Variants in DENND6B observed in about 807,000 individuals in gnomAD.
DENND6B encodes the protein protein DENND6B.
A neutral mutation model predicts 85.1 loss-of-function variants in DENND6B; 73 were observed. The ratio of observed to expected loss-of-function variants is 0.86; its 90% CI spans 0.71 to 1.04. DENND6B has a LOEUF of 1.04. Ranked by LOEUF, DENND6B falls within the 50% of genes least tolerant of loss-of-function variation. DENND6B has a pLI of 0.00. For synonymous variants in DENND6B, 357 were observed against 329.3 expected, an observed-to-expected ratio of 1.08 and a Z score of -0.91; for missense variants, 715 against 785.8, an observed-to-expected ratio of 0.91 and a Z score of 1.08.
intron 1 of DENND6B, among the ~76,000 whole-genome samples, chr22:50,321,304 G>C (rs1414597868): frequency 6.6e-6 from 1 of 152,180 alleles, no homozygotes; most frequent in Non-Finnish European, 1.5e-5. Context: ...GTCCTAGAGG[G>C]CTGAATGCAG....
Position 50,312,326 on chromosome 22 carries a change from G to C in DENND6B, c.1635+17C>G. 1.9e-6 allele frequency: 3 copies of C among 1,611,312 alleles called. No individual in the cohort carries two copies. Among genetic ancestry groups the C allele is most frequent in the Non-Finnish European group, 2.5e-6 (3 of 1,179,252 alleles). On this transcript the variant is annotated intron_variant, in intron 19 of 19. Transcript: ENST00000413817. ...GCCAGGCTGGTGGCGCTGGGACAAG[G>C]CTGGGAGGCATCTTACCAGCTTCTC... is the stretch of plus-strand genomic sequence containing the variant.
intron 1 of DENND6B, among the ~76,000 whole-genome samples, chr22:50,325,246 C>T (rs752391853): frequency 3.9e-5 from 6 of 152,164 alleles, no homozygotes; most frequent in Admixed American, 6.6e-5. Context: ...GGAGTCCAAG[C>T]ACACACAGCC....
At chr22:50,321,164 G>C (rs2042030441) in intron 1 of DENND6B, among the ~76,000 whole-genome samples, 1 of 152,106 alleles carries the variant, frequency 6.6e-6, no homozygotes, top group South Asian at 2.1e-4. Context: ...CACATGCAGG[G>C]AGCGGTTCCC....
chr22:50,315,928 G>C, intron 8 of DENND6B, 97 bp downstream of exon 8: 1 of 1,588,350 alleles, frequency 6.3e-7, no homozygotes. Flanking sequence ...CCCGCAGGGT[G>C]AACCAAGGAA....
intron 1 of DENND6B, among the ~76,000 whole-genome samples, chr22:50,322,164 T>G (rs1720739013): frequency 6.7e-6 from 1 of 150,180 alleles, no homozygotes; most frequent in African/African-American, 2.5e-5. Context: ...AAGCTCCGCC[T>G]CCCGGGTTCA....
chr22:50,318,379 G>C (rs2041924640), intron 3 of DENND6B, among the ~76,000 whole-genome samples: 1 of 152,170 alleles, frequency 6.6e-6, no homozygotes, highest in South Asian at 2.1e-4. Flanking sequence ...CCAGCCCAAG[G>C]GGTCTGTGTT....
chr22:50,314,070 A>G, intron 13 of DENND6B, 137 bp downstream of exon 13: 1 of 1,304,004 alleles, frequency 7.7e-7, no homozygotes, highest in Non-Finnish European at 1.0e-6. Context: ...CCCCTCCCCA[A>G]GGGTTCTGAG....
Position 50,313,872 on chromosome 22 carries a change from T to G in DENND6B, c.1145A>C (p.Tyr382Ser). 6.2e-7 allele frequency: 1 copy of G among 1,610,114 alleles called. No individual in the cohort carries two copies. Among genetic ancestry groups the G allele is most frequent in the Non-Finnish European group, 8.5e-7 (1 of 1,179,284 alleles). The part of the protein sequence containing the change: ...LKTLDTKPGL[Y>S]TAYTAHLHRD... ...GTGGAGGTGGGCCGTGTAAGCGGTG[T>G]AGAGGCCTGGCGGGAGGGCACAGCT... Residue 382 changes from tyrosine to serine, a missense_variant, in exon 14 of 20, where the codon TAC (tyrosine) becomes TCC (serine). Transcript: ENST00000413817.
intron 1 of DENND6B, among the ~76,000 whole-genome samples, chr22:50,324,418 A>G (rs1051775593): frequency 1.3e-5 from 2 of 152,110 alleles, no homozygotes; most frequent in South Asian, 2.1e-4. Flanking sequence ...TAGCTGCTCA[A>G]TGTGATCTAC....
rs1417043880 is a variant in DENND6B, at chr22:50,312,600, C to A, written c.1483G>T (p.Asp495Tyr). The change falls in exon 18 of 20, where the codon GAT becomes TAT. Residue 495 changes from aspartate to tyrosine, a missense_variant. Transcript: ENST00000413817. The part of the protein sequence containing the change: ...YRRFFKSPHF[D>Y]GWYRQRHKEM... ...TTGTGCCGCTGCCGGTACCAGCCAT[C>A]AAAATGGGGGGACTTGAAAAACCGC... 6.3e-7 allele frequency: 1 copy of A among 1,583,044 alleles called. No individual in the cohort carries two copies. Among genetic ancestry groups the A allele is most frequent in the Admixed American group, 1.8e-5 (1 of 55,718 alleles).
rs1318875793 is a variant in DENND6B, at chr22:50,316,763, G to A, written c.454-288C>T. The A allele has an allele frequency of 8.2e-6, 11 of 1,349,362 alleles. No individual in the cohort carries two copies. In the East Asian group the frequency reaches 1.7e-4, roughly 21 times the overall value. 83.6% of individuals were successfully genotyped at this position (1,349,362 alleles called of 1,614,324 possible). The stretch of plus-strand genomic sequence containing the variant: ...AGAATTTCTAGAACGACCTCCCCAG[G>A]GGCTGAGCAGCTTTTACTCTCTGCC... On this transcript the variant is annotated intron_variant, in intron 5 of 19. Transcript: ENST00000413817.
rs564211824 is a variant in DENND6B, at chr22:50,320,018, C to T, written c.178-1015G>A. Among the ~76,000 whole-genome samples, 176 of 152,304 alleles carry T rather than the reference C, an allele frequency of 1.2e-3. 1 individual carries two copies. Among genetic ancestry groups the T allele is most frequent in the African/African-American group, 4.0e-3 (166 of 41,568 alleles). The stretch of plus-strand genomic sequence containing the variant: ...TGGACCACTTTCCCTCTAGGGAGCT[C>T]CCAGAGCCCCCATTCCCAGTGGGCC... On this transcript the variant is annotated intron_variant, in intron 1 of 19. Transcript: ENST00000413817.
intron 1 of DENND6B, among the ~76,000 whole-genome samples, chr22:50,325,480 G>A (rs1045745220): frequency 2.0e-5 from 3 of 151,952 alleles, no homozygotes; most frequent in Non-Finnish European, 2.9e-5. Flanking sequence ...AGGACTACAG[G>A]AGTGTGCCAC....
intron 4 of DENND6B, 78 bp from the exon 5 acceptor site, chr22:50,317,451 G>T: frequency 1.3e-6 from 2 of 1,512,714 alleles, no homozygotes; most frequent in Non-Finnish European, 1.8e-6. Flanking sequence ...GTGGCAAGGA[G>T]CATGCAGGGA....
Position 50,316,574 on chromosome 22 carries a change from G to A in DENND6B, c.454-99C>T, listed in dbSNP as rs2041827089. 6 of 1,544,910 alleles carry A rather than the reference G, an allele frequency of 3.9e-6. No individual in the cohort carries two copies. In the Admixed American group the frequency reaches 1.2e-4, roughly 30 times the overall value. On this transcript the variant is annotated intron_variant, in intron 5 of 19. Coordinates refer to ENST00000413817, the MANE Select transcript of DENND6B (RefSeq NM_001001794.4). ...ACCGAAGCCACGCTCACCTGGAGCT[G>A]GCCCAGGGTAGCACGTCCCACCAAC...
intron 5 of DENND6B, 170 bp downstream of exon 5, chr22:50,317,123 G>GAGGACAGGGGGGGGGGGCGGCA (rs2041875218): frequency 1.9e-6 from 1 of 525,820 alleles, no homozygotes; most frequent in African/African-American, 3.1e-5. Context: ...GGGGGGCGGC[G>GAGGACAGGGGGGGGGGGCGGCA]AGGACAGGGT....
Position 50,315,677 on chromosome 22 carries a change from T to G in DENND6B, c.758+37A>C, listed in dbSNP as rs757244212. 4 of 1,554,516 alleles carry G rather than the reference T, an allele frequency of 2.6e-6. No homozygotes were observed. In the East Asian group the frequency reaches 7.2e-5, roughly 28 times the overall value. On this transcript the variant is annotated intron_variant, in intron 9 of 19. Transcript: ENST00000413817. ...ACATGCACGTGCACACACAGTGAGC[T>G]CCTCAAAAGCAGTGTGCAGAACCCT...
intron 12 of DENND6B, 39 bp from the exon 13 acceptor site, chr22:50,314,311 A>G (rs2147769262): frequency 1.2e-6 from 2 of 1,600,854 alleles, no homozygotes; most frequent in South Asian, 1.1e-5. Flanking sequence ...CAGTGCCCGC[A>G]GCTCTGGCCA....
rs771970749 is a variant in DENND6B at position 50,314,844 on chromosome 22, G to A, written c.836C>T (p.Ala279Val). 5.0e-6 allele frequency: 8 copies of A among 1,611,574 alleles called. No individual in the cohort carries two copies. Among genetic ancestry groups the A allele is most frequent in the Admixed American group, 1.7e-5 (1 of 59,808 alleles). The change falls in exon 10 of 20, where the codon GCA becomes GTA. Residue 279 changes from alanine to valine, a missense_variant. Coordinates refer to ENST00000413817, the MANE Select transcript of DENND6B (RefSeq NM_001001794.4). ...MLLGEPLLVL[A>V]PSPDVSSEMV... ...CTCCGAGGACACGTCGGGCGAGGGT[G>A]CCAGGACTAGCAGGGGCTCCCCGAG...
Sources: gnomAD v4.1 joint callset for allele counts (sites outside exome capture counted in the v4.1 genomes callset) on GRCh38, gnomAD v4.1.1 for gene constraint, MANE v1.5 for transcripts, NCBI Gene and HGNC (gene_info 2026-07-23, HGNC 2026-07-21) for gene names.